Variants in AUTS2 observed in about 807,000 individuals in gnomAD.
AUTS2 encodes the protein autism susceptibility gene 2 protein.
A neutral mutation model predicts 112.4 loss-of-function variants in AUTS2; 17 were observed. That is an observed-to-expected ratio of 0.15 (90% CI 0.10 to 0.23). The LOEUF is 0.23. AUTS2 is among the 10% of genes least tolerant of loss of function. AUTS2 has a pLI of 1.00. For missense variants in AUTS2, 1,510 were observed against 1,701.6 expected (o/e 0.89, Z 1.98); for synonymous variants, 751 against 702.7 (o/e 1.07, Z -1.09).
At chr7:70,497,829 G>T (rs182965943) in intron 5 of AUTS2, among the ~76,000 whole-genome samples, 1 of 152,240 alleles carries the variant, frequency 6.6e-6, no homozygotes, top group Admixed American at 6.5e-5. Context: ...CTGGGACAGG[G>T]TCTCAGACAC....
chr7:70,396,785 G>T (rs746155206), intron 4 of AUTS2, among the ~76,000 whole-genome samples: 1 of 152,162 alleles, frequency 6.6e-6, no homozygotes, highest in Non-Finnish European at 1.5e-5. Context: ...ACTGATGGAC[G>T]TCTGGGTTGT....
intron 16 of AUTS2, 106 bp from the exon 17 acceptor site, chr7:70,785,849 G>C: frequency 1.0e-6 from 1 of 1,003,386 alleles, no homozygotes; most frequent in Non-Finnish European, 1.5e-6. Flanking sequence ...GCCAGGTGGG[G>C]GCGTAGAGAG....
intron 1 of AUTS2, among the ~76,000 whole-genome samples, chr7:69,666,729 C>T (rs1796063463): frequency 6.6e-6 from 1 of 151,980 alleles, no homozygotes; most frequent in Non-Finnish European, 1.5e-5. Flanking sequence ...TAGCAAGACT[C>T]CCATCTTGAC....
At position 70,046,329 on chromosome 7, in the gene AUTS2, A is replaced by G. The variant is rs184779626; in HGVS notation, c.523-71803A>G. Among the ~76,000 whole-genome samples the G allele has an allele frequency of 3.8e-3, 583 of 152,310 alleles. 13 individuals are homozygous for G. Among genetic ancestry groups the G allele is most frequent in the Non-Finnish European group, 4.7e-3 (322 of 68,026 alleles). On this transcript the variant is annotated intron_variant, in intron 2 of 18. Coordinates refer to ENST00000342771, the MANE Select transcript of AUTS2 (RefSeq NM_015570.4). ...GTGCATCAGCTTCCCTACATGTAAA[A>G]TGGATACACCTTAATATCTTCTTCA...
At chr7:70,184,596 T>G (rs566615772) in intron 4 of AUTS2, among the ~76,000 whole-genome samples, 1 of 152,376 alleles carries the variant, frequency 6.6e-6, no homozygotes, top group South Asian at 2.1e-4. Flanking sequence ...AAATGAGATC[T>G]TAACATGTAA....
At chr7:69,939,847 A>G (rs1796555114) in intron 2 of AUTS2, among the ~76,000 whole-genome samples, 1 of 152,190 alleles carries the variant, frequency 6.6e-6, no homozygotes. Context: ...TTGCTTCATT[A>G]TAACCATACT....
chr7:70,657,007 TCTG>T (rs1391364804), intron 5 of AUTS2, among the ~76,000 whole-genome samples: 1 of 152,178 alleles, frequency 6.6e-6, no homozygotes. Flanking sequence ...CAGAACAAGT[TCTG>T]CTGGTTACCC....
chr7:69,815,749 G>A lies in AUTS2; in HGVS notation c.310-83537G>A, dbSNP rs989016634. On this transcript the variant is annotated intron_variant, in intron 1 of 18. Transcript: ENST00000342771. ...AGGCTGGTCTCGAACCCTTGACCTC[G>A]TGATCCACCTGCCTTGGCCTCCCAA... Among the ~76,000 whole-genome samples, 11 of 152,146 alleles carry A rather than the reference G, an allele frequency of 7.2e-5. No individual in the cohort carries two copies. The East Asian group carries it at 1.3e-3, about 19-fold the overall frequency.
intron 1 of AUTS2, among the ~76,000 whole-genome samples, chr7:69,601,413 G>A (rs1399196824): frequency 1.3e-5 from 2 of 152,112 alleles, no homozygotes; most frequent in African/African-American, 4.8e-5. Context: ...TTCTGTTTAT[G>A]TGTTTGGGTG....
intron 5 of AUTS2, among the ~76,000 whole-genome samples, chr7:70,594,928 C>G (rs1201424394): frequency 6.6e-6 from 1 of 152,100 alleles, no homozygotes; most frequent in Non-Finnish European, 1.5e-5. Flanking sequence ...ATGGAGAAAC[C>G]CTGCCTCTAC....
intron 14 of AUTS2, chr7:70,781,364 C>CACAA: frequency 8.4e-6 from 1 of 118,900 alleles, no homozygotes; most frequent in Non-Finnish European, 1.5e-5. Context: ...GACTCCGTCA[C>CACAA]AAAAAAAAAA....
In AUTS2 at chr7:70,606,002, G is replaced by T. The variant is rs191410197; in HGVS notation, c.691-92567G>T. ...AGCAGCTCTGTGTAAAACAACCTTA[G>T]GGTCATAGCAAGCCTTTTCAGCAGC... On this transcript the variant is annotated intron_variant, in intron 5 of 18. Coordinates refer to ENST00000342771, the MANE Select transcript of AUTS2 (RefSeq NM_015570.4). Among the ~76,000 whole-genome samples, 38 of 152,312 alleles carry T rather than the reference G, an allele frequency of 2.5e-4. No homozygotes were observed. In the East Asian group the frequency reaches 2.5e-3, roughly 10 times the overall value.
intron 4 of AUTS2, among the ~76,000 whole-genome samples, chr7:70,170,595 CTTT>C (rs398005103): frequency 1.6e-5 from 2 of 126,992 alleles, no homozygotes. Flanking sequence ...GACACGTTAT[CTTT>C]TTTTTTTTTT....
chr7:69,674,422 T>G (rs1796465981), intron 1 of AUTS2, among the ~76,000 whole-genome samples: 1 of 152,184 alleles, frequency 6.6e-6, no homozygotes, highest in Admixed American at 6.5e-5. Flanking sequence ...TTAACTTCTC[T>G]GTGCTTACTG....
chr7:69,641,631 G>A (rs1794800772), intron 1 of AUTS2, among the ~76,000 whole-genome samples: 1 of 152,152 alleles, frequency 6.6e-6, no homozygotes. Context: ...AAGACAGATT[G>A]GACAGGTGGT....
intron 4 of AUTS2, chr7:70,293,454 A>G (rs530841876): frequency 3.9e-5 from 6 of 152,306 alleles, no homozygotes; most frequent in South Asian, 2.1e-4. Flanking sequence ...GATATATTAC[A>G]TGGTAAATGT....
At chr7:70,219,604 C>T (rs1811366973) in intron 4 of AUTS2, among the ~76,000 whole-genome samples, 1 of 149,010 alleles carries the variant, frequency 6.7e-6, no homozygotes, top group Admixed American at 6.7e-5. Flanking sequence ...GAGAGTCTCG[C>T]TCTGTTGCCT....
chr7:69,601,453 G>T (rs1243842897), intron 1 of AUTS2, among the ~76,000 whole-genome samples: 6 of 152,112 alleles, frequency 3.9e-5, no homozygotes, highest in African/African-American at 1.2e-4. Flanking sequence ...TCAAAGGAAG[G>T]CTTCCTATCA....
At position 70,592,449 on chromosome 7, in the gene AUTS2, C is replaced by T. The variant is rs551568636; in HGVS notation, c.691-106120C>T. 1.6e-3 allele frequency among the ~76,000 whole-genome samples: 246 copies of T among 152,082 alleles called. 1 individual carries two copies. The highest frequency in any genetic ancestry group is 5.1e-3 in the African/African-American group (213 of 41,492). On this transcript the variant is annotated intron_variant, in intron 5 of 18. Transcript: ENST00000342771. ...CACAATCTCAGCTCACTGCAACCTC[C>T]GCCTCTGGGTTCAAACAGCTCTCCT...
Sources: gnomAD v4.1 joint callset for allele counts (sites outside exome capture counted in the v4.1 genomes callset) on GRCh38, gnomAD v4.1.1 for gene constraint, MANE v1.5 for transcripts, NCBI Gene and HGNC (gene_info 2026-07-23, HGNC 2026-07-21) for gene names.